ANKS1B: variants seen among roughly 807,000 people sequenced by gnomAD.
ANKS1B encodes the protein ankyrin repeat and sterile alpha motif domain-containing protein 1B.
In ANKS1B, 36 loss-of-function variants were observed where a neutral mutation model predicts 148.3. That is an observed-to-expected ratio of 0.24 (90% CI 0.19 to 0.32). The LOEUF is 0.32. Among genes scored for constraint, ANKS1B ranks in the 10% least tolerant of loss-of-function variants. ANKS1B has a pLI of 1.00. For synonymous variants in ANKS1B, 542 were observed against 560.8 expected (o/e 0.97, Z 0.47); for missense variants, 1,157 against 1,542.6 (o/e 0.75, Z 4.19).
intron 8 of ANKS1B, among the ~76,000 whole-genome samples, chr12:99,664,228 A>AGG (rs1293984402): frequency 5.3e-5 from 8 of 152,082 alleles, no homozygotes; most frequent in African/African-American, 1.9e-4. Flanking sequence ...CCTCCATGAC[A>AGG]GATCATTTTA....
rs1269528664 is a variant in ANKS1B, at chr12:99,243,211, G to T, written c.2419+1131C>A. Among the ~76,000 whole-genome samples, 5 of 152,308 alleles carry T rather than the reference G, an allele frequency of 3.3e-5. 1 individual carries two copies. Among genetic ancestry groups the T allele is most frequent in the Admixed American group, 3.3e-4 (5 of 15,290 alleles). On this transcript the variant is annotated intron_variant, in intron 14 of 26. Transcript: ENST00000683438. ...AACAAATAATCCCATCAAAAAGTGGGCAAAGGTTATGAACAGACACTTCTC... is the reference window on the plus strand; with the variant it reads ...AACAAATAATCCCATCAAAAAGTGGTCAAAGGTTATGAACAGACACTTCTC...
At chr12:99,717,094 T>A (rs1323470366) in intron 8 of ANKS1B, among the ~76,000 whole-genome samples, 1 of 152,188 alleles carries the variant, frequency 6.6e-6, no homozygotes, top group Non-Finnish European at 1.5e-5. Context: ...ATATAAAAAC[T>A]CAGCCCAGTT....
intron 8 of ANKS1B, among the ~76,000 whole-genome samples, chr12:99,685,736 G>A (rs746499471): frequency 6.7e-6 from 1 of 149,560 alleles, no homozygotes; most frequent in Non-Finnish European, 1.5e-5. Context: ...TTATGTGTGT[G>A]TGTGTGTATA....
At chr12:99,377,115 C>T (rs1446401141) in intron 12 of ANKS1B, among the ~76,000 whole-genome samples, 1 of 151,982 alleles carries the variant, frequency 6.6e-6, no homozygotes, top group African/African-American at 2.4e-5. Context: ...TCAAGCGATT[C>T]TCCTGCCTCA....
intron 11 of ANKS1B, among the ~76,000 whole-genome samples, chr12:99,437,893 CT>C (rs1190234097): frequency 6.6e-6 from 1 of 151,920 alleles, no homozygotes; most frequent in Non-Finnish European, 1.5e-5. Flanking sequence ...ATCAGGGTAT[CT>C]TTTCCCACTC....
At chr12:99,888,400 T>C (rs1199866426) in intron 1 of ANKS1B, among the ~76,000 whole-genome samples, 3 of 152,176 alleles carry the variant, frequency 2.0e-5, no homozygotes, top group Non-Finnish European at 2.9e-5. Context: ...AGACAAAATA[T>C]GTATTGCCCT....
intron 12 of ANKS1B, among the ~76,000 whole-genome samples, chr12:99,371,193 T>C (rs535459507): frequency 1.3e-5 from 2 of 152,136 alleles, no homozygotes; most frequent in African/African-American, 4.8e-5. Context: ...TCCTAATCTA[T>C]TTCTTCATTA....
intron 15 of ANKS1B, among the ~76,000 whole-genome samples, chr12:99,109,463 T>C (rs1334050909): frequency 1.3e-5 from 2 of 152,146 alleles, no homozygotes; most frequent in East Asian, 3.9e-4. Context: ...TGGTCCATAA[T>C]TTCCTAGCTA....
At chr12:99,774,337 T>G (rs544388985) in intron 7 of ANKS1B, among the ~76,000 whole-genome samples, 1 of 152,144 alleles carries the variant, frequency 6.6e-6, no homozygotes, top group South Asian at 2.1e-4. Context: ...CGAATAGACA[T>G]TTCTTCAAAA....
chr12:99,719,814 GGGC>G (rs1190973882), intron 8 of ANKS1B, among the ~76,000 whole-genome samples: 3 of 152,110 alleles, frequency 2.0e-5, no homozygotes, highest in Admixed American at 2.0e-4. Context: ...GGCCATCAAA[GGGC>G]ATCAGATCCC....
intron 8 of ANKS1B, among the ~76,000 whole-genome samples, chr12:99,665,598 T>C (rs1296224040): frequency 2.0e-5 from 3 of 152,090 alleles, no homozygotes; most frequent in Non-Finnish European, 1.5e-5. Context: ...GCCATTCTCC[T>C]GCCTCAGCCT....
At position 99,233,227 on chromosome 12, in the gene ANKS1B, G is replaced by A. The variant is rs563355942; in HGVS notation, c.2419+11115C>T. Among the ~76,000 whole-genome samples the A allele has an allele frequency of 8.6e-5, 13 of 152,046 alleles. No individual in the cohort carries two copies. In the East Asian group the frequency reaches 1.9e-3, roughly 23 times the overall value. On this transcript the variant is annotated intron_variant, in intron 14 of 26. Transcript: ENST00000683438. ...AATAATTGAAATCTGAAACACTTCC[G>A]GTCACAAGCATTTCAGATAAGGGAT...
chr12:99,114,868 G>GA lies in ANKS1B; in HGVS notation c.2527-29846dup, dbSNP rs1270998307. 3.4e-4 allele frequency among the ~76,000 whole-genome samples: 52 copies of GA among 152,070 alleles called. 2 individuals are homozygous for GA. The South Asian group carries it at 7.1e-3, about 21-fold the overall frequency. On this transcript the variant is annotated intron_variant, in intron 15 of 26. Coordinates refer to ENST00000683438, the MANE Select transcript of ANKS1B (RefSeq NM_001352186.2). ...ACATACATGGAGCCAAGAATCATATGAAAAAAAGCTCATTATCACTGATCA... is the reference window on the plus strand; with the variant it reads ...ACATACATGGAGCCAAGAATCATATGAAAAAAAAGCTCATTATCACTGATCA...
In ANKS1B at chr12:99,677,422, CT is replaced by C. The variant is rs977876964; in HGVS notation, c.1129-22213del. 3.4e-4 allele frequency among the ~76,000 whole-genome samples: 52 copies of C among 152,006 alleles called. 1 individual carries two copies. Among genetic ancestry groups the C allele is most frequent in the African/African-American group, 1.3e-3 (52 of 41,396 alleles). On this transcript the variant is annotated intron_variant, in intron 8 of 26. Transcript: ENST00000683438. ...TAAATAATATATGATTTGTTGAGGA[CT>C]TTTTTGGAGGAGAGGAAAGGGATGT...
intron 1 of ANKS1B, among the ~76,000 whole-genome samples, chr12:99,910,106 C>T (rs2093946949): frequency 6.6e-6 from 1 of 152,104 alleles, no homozygotes; most frequent in Admixed American, 6.6e-5. Context: ...GACGTGGTGG[C>T]TCACGCCTGT....
intron 9 of ANKS1B, among the ~76,000 whole-genome samples, chr12:99,548,901 G>C (rs1254313737): frequency 6.6e-6 from 1 of 152,014 alleles, no homozygotes; most frequent in Non-Finnish European, 1.5e-5. Context: ...TAAGTGTAGG[G>C]AACAAGATTG....
chr12:98,896,771 C>A (rs527254769), intron 17 of ANKS1B, among the ~76,000 whole-genome samples: 26 of 152,324 alleles, frequency 1.7e-4, no homozygotes, highest in African/African-American at 6.3e-4. Flanking sequence ...AGCAAACTTT[C>A]AATGGGTTTG....
At chr12:99,535,815 A>G (rs764484758) in intron 9 of ANKS1B, among the ~76,000 whole-genome samples, 1 of 152,216 alleles carries the variant, frequency 6.6e-6, no homozygotes, top group Non-Finnish European at 1.5e-5. Flanking sequence ...AAAGTTGTCA[A>G]AATAAACTTT....
chr12:99,478,326 T>C (rs898590470), intron 10 of ANKS1B, among the ~76,000 whole-genome samples: 1 of 152,286 alleles, frequency 6.6e-6, no homozygotes, highest in African/African-American at 2.4e-5. Context: ...CTTTCACCTT[T>C]AATTTCCCTA....
Sources: gnomAD v4.1 joint callset for allele counts (sites outside exome capture counted in the v4.1 genomes callset) on GRCh38, gnomAD v4.1.1 for gene constraint, MANE v1.5 for transcripts, NCBI Gene and HGNC (gene_info 2026-07-23, HGNC 2026-07-21) for gene names.